BACH2: variants seen among roughly 807,000 people sequenced by gnomAD.
BACH2 encodes transcription regulator protein BACH2.
Under a neutral mutation model 61.8 loss-of-function variants are expected in BACH2, and 5 were observed. That is an observed-to-expected ratio of 0.08 (90% CI 0.04 to 0.17). BACH2 has a LOEUF of 0.17. BACH2 is among the 10% of genes least tolerant of loss of function. The pLI is 1.00. For synonymous variants in BACH2, 446 were observed against 440.1 expected (o/e 1.01, Z -0.17); for missense variants, 824 against 1,091.1 (o/e 0.76, Z 3.45).
At chr6:90,062,868 C>T in intron 5 of BACH2, 1 of 970,590 alleles carries the variant, frequency 1.0e-6, no homozygotes, top group East Asian at 1.1e-4. Flanking sequence ...CTCCTTTAGA[C>T]AGATGAAAGG....
chr6:90,006,600 C>G (rs1777418950), intron 6 of BACH2, among the ~76,000 whole-genome samples: 1 of 152,136 alleles, frequency 6.6e-6, no homozygotes, highest in Admixed American at 6.6e-5. Flanking sequence ...AACGCTAGTG[C>G]TTATGCAGTC....
intron 6 of BACH2, among the ~76,000 whole-genome samples, chr6:89,984,398 G>C (rs1776124849): frequency 6.6e-6 from 1 of 152,022 alleles, no homozygotes; most frequent in African/African-American, 2.4e-5. Flanking sequence ...TAGTAAGCTA[G>C]AATGTCATTC....
intron 5 of BACH2, among the ~76,000 whole-genome samples, chr6:90,086,229 A>C (rs1000085920): frequency 6.6e-6 from 1 of 152,086 alleles, no homozygotes; most frequent in Non-Finnish European, 1.5e-5. Context: ...TTATCCATTC[A>C]CCTGTAGATG....
chr6:90,073,254 A>T (rs1042821895), intron 5 of BACH2, among the ~76,000 whole-genome samples: 3 of 152,270 alleles, frequency 2.0e-5, no homozygotes, highest in Non-Finnish European at 4.4e-5. Context: ...AAAAGAGATC[A>T]CCTCAGCTTT....
At position 90,034,264 on chromosome 6, in the gene BACH2, A is replaced by T. The variant is rs144257705; in HGVS notation, c.-12-25408T>A. Among the ~76,000 whole-genome samples the T allele has an allele frequency of 4.3e-3, 656 of 152,290 alleles. 8 individuals carry two copies. Among genetic ancestry groups the T allele is most frequent in the African/African-American group, 0.015 (624 of 41,556 alleles). ...ATTGACCGTATTTGAAATCTATTAAAATCTCTTAATTATTCTTATATGCCC... is the reference window on the plus strand; with the variant it reads ...ATTGACCGTATTTGAAATCTATTAATATCTCTTAATTATTCTTATATGCCC... On this transcript the variant is annotated intron_variant, in intron 5 of 8. Transcript: ENST00000257749.
chr6:90,296,562 G>A lies in BACH2; in HGVS notation c.-528C>T, dbSNP rs1772401355. The A allele has an allele frequency of 6.6e-6, 1 of 151,858 alleles. No homozygotes were observed. Among genetic ancestry groups the A allele is most frequent in the East Asian group, 1.9e-4 (1 of 5,198 alleles). The allele number at this position is 151,858 out of a possible 1,614,324, so 9.4% of individuals were successfully genotyped here. Reference sequence around the variant, plus strand: ...GCAGCCCCCTCCCGGCAGCCGGCGAGGTGGGCAGTTCGTGGGTCACCGAAA... The same window carrying A: ...GCAGCCCCCTCCCGGCAGCCGGCGAAGTGGGCAGTTCGTGGGTCACCGAAA... On this transcript the variant is annotated 5_prime_UTR_variant, in exon 1 of 9. Transcript: ENST00000257749.
At chr6:90,285,053 C>G (rs977722818) in intron 1 of BACH2, among the ~76,000 whole-genome samples, 4 of 152,182 alleles carry the variant, frequency 2.6e-5, no homozygotes, top group African/African-American at 9.7e-5. Flanking sequence ...TTTTTCAAGA[C>G]AGTTTATGAT....
chr6:89,994,341 C>G (rs766580754), intron 6 of BACH2, among the ~76,000 whole-genome samples: 4 of 152,106 alleles, frequency 2.6e-5, no homozygotes, highest in Admixed American at 6.6e-5. Flanking sequence ...CTAGTCATTT[C>G]CAGAGATGTA....
chr6:90,091,240 G>A (rs140922090), intron 4 of BACH2, among the ~76,000 whole-genome samples: 105 of 152,210 alleles, frequency 6.9e-4, no homozygotes, highest in Non-Finnish European at 1.1e-3. Flanking sequence ...GCATCTAAAC[G>A]AAGCAGAGAA....
At chr6:90,196,348 T>C (rs1040507042) in intron 4 of BACH2, among the ~76,000 whole-genome samples, 1 of 152,224 alleles carries the variant, frequency 6.6e-6, no homozygotes, top group Non-Finnish European at 1.5e-5. Flanking sequence ...TATTCCTTTG[T>C]GTATCAGGCC....
At chr6:89,932,952 C>T (rs895564975) in intron 8 of BACH2, 62 bp from the exon 9 acceptor site, 40 of 1,495,068 alleles carry the variant, frequency 2.7e-5, no homozygotes, top group East Asian at 4.6e-5. Context: ...CAGAAGGCCT[C>T]GTTTCAGGTT....
intron 4 of BACH2, among the ~76,000 whole-genome samples, chr6:90,138,089 C>CAG (rs1554251380): frequency 2.3e-4 from 33 of 141,408 alleles, no homozygotes; most frequent in African/African-American, 4.6e-4. Flanking sequence ...CACACACACA[C>CAG]AGTCTCTCTC....
chr6:89,970,913 C>T (rs1018787143), intron 6 of BACH2, among the ~76,000 whole-genome samples: 7 of 152,126 alleles, frequency 4.6e-5, no homozygotes, highest in South Asian at 2.1e-4. Flanking sequence ...AAGCAAATGC[C>T]TCAAAAAATA....
intron 4 of BACH2, among the ~76,000 whole-genome samples, chr6:90,167,056 T>A (rs1582441153): frequency 6.6e-6 from 1 of 152,078 alleles, no homozygotes; most frequent in Admixed American, 6.5e-5. Flanking sequence ...TAAAGTATAA[T>A]AATAATAATA....
chr6:90,244,566 G>A (rs1276694426), intron 3 of BACH2, among the ~76,000 whole-genome samples: 1 of 152,090 alleles, frequency 6.6e-6, no homozygotes, highest in Admixed American at 6.5e-5. Context: ...TCTCCATTTG[G>A]GTATATTGCT....
At chr6:90,026,587 G>A (rs1778647842) in intron 5 of BACH2, among the ~76,000 whole-genome samples, 1 of 152,024 alleles carries the variant, frequency 6.6e-6, no homozygotes, top group South Asian at 2.1e-4. Flanking sequence ...CTCCTTCTTG[G>A]AATGGGGGTG....
chr6:90,274,514 G>C (rs559916417), intron 1 of BACH2, among the ~76,000 whole-genome samples: 1 of 152,270 alleles, frequency 6.6e-6, no homozygotes, highest in South Asian at 2.1e-4. Context: ...TCATGCAGTG[G>C]GTTACAGGGC....
At chr6:90,148,789 C>T (rs1784709811) in intron 4 of BACH2, among the ~76,000 whole-genome samples, 1 of 152,104 alleles carries the variant, frequency 6.6e-6, no homozygotes, top group African/African-American at 2.4e-5. Flanking sequence ...CCTTACTTGC[C>T]TTTTTTTGAA....
At chr6:90,124,987 G>C (rs1218361165) in intron 4 of BACH2, among the ~76,000 whole-genome samples, 1 of 151,830 alleles carries the variant, frequency 6.6e-6, no homozygotes, top group African/African-American at 2.4e-5. Context: ...TTTTTTCCTT[G>C]CATTTTTCCA....
Sources: gnomAD v4.1 joint callset for allele counts (sites outside exome capture counted in the v4.1 genomes callset) on GRCh38, gnomAD v4.1.1 for gene constraint, MANE v1.5 for transcripts, NCBI Gene and HGNC (gene_info 2026-07-23, HGNC 2026-07-21) for gene names.